KCNMA1: variants seen among roughly 807,000 people sequenced by gnomAD.
The protein encoded by KCNMA1 is potassium calcium-activated channel subfamily M alpha 1, also known as Calcium-activated potassium channel subunit alpha-1.
KCNMA1 carries 29 observed loss-of-function variants against 140.0 expected under a neutral mutation model. The ratio of observed to expected loss-of-function variants is 0.21; its 90% CI spans 0.15 to 0.28. The LOEUF (loss-of-function observed/expected upper bound fraction) is 0.28. Ranked by LOEUF, KCNMA1 falls within the 10% of genes least tolerant of loss-of-function variation. KCNMA1 has a pLI of 1.00. For synonymous variants in KCNMA1, 612 were observed against 611.9 expected (o/e 1.00, Z 0.00); for missense variants, 880 against 1,602.2 (o/e 0.55, Z 7.70).
At chr10:77,009,284 T>C (rs2090096225) in intron 18 of KCNMA1, among the ~76,000 whole-genome samples, 1 of 152,054 alleles carries the variant, frequency 6.6e-6, no homozygotes, top group African/African-American at 2.4e-5. Flanking sequence ...GAGAAGAAAA[T>C]TATTTCAAAC....
chr10:77,573,153 A>G (rs2072347440), intron 1 of KCNMA1, among the ~76,000 whole-genome samples: 2 of 152,214 alleles, frequency 1.3e-5, no homozygotes, highest in Non-Finnish European at 2.9e-5. Flanking sequence ...TAAATCCATC[A>G]GCTTAAAAGT....
intron 2 of KCNMA1, among the ~76,000 whole-genome samples, chr10:77,287,983 G>A (rs2071639669): frequency 1.3e-5 from 2 of 152,304 alleles, no homozygotes; most frequent in Admixed American, 1.3e-4. Context: ...CTGGCAGAGG[G>A]GATCAAGTGG....
rs532293973 is a variant in KCNMA1, at chr10:77,286,118, AT to A, written c.541-34863del. Among the ~76,000 whole-genome samples the A allele has an allele frequency of 2.8e-3, 424 of 152,134 alleles. 2 individuals carry two copies. The highest frequency in any genetic ancestry group is 9.6e-3 in the African/African-American group (399 of 41,476). On this transcript the variant is annotated intron_variant, in intron 2 of 27. Coordinates refer to ENST00000286628, the MANE Select transcript of KCNMA1 (RefSeq NM_001161352.2). The stretch of plus-strand genomic sequence containing the variant: ...CTCTACCTACACAATTAATTGTGTA[AT>A]TTTTTTTCTTTAAATCTCATTCTTT...
At chr10:77,168,435 C>T (rs1272226778) in intron 5 of KCNMA1, among the ~76,000 whole-genome samples, 2 of 152,150 alleles carry the variant, frequency 1.3e-5, no homozygotes, top group Non-Finnish European at 2.9e-5. Flanking sequence ...TGTATAGCCT[C>T]CTACACACCT....
At chr10:77,176,520 G>C (rs1212304823) in intron 5 of KCNMA1, among the ~76,000 whole-genome samples, 1 of 152,010 alleles carries the variant, frequency 6.6e-6, no homozygotes, top group Non-Finnish European at 1.5e-5. Context: ...CTTCAATAAG[G>C]CTCTCCCCAA....
At chr10:77,054,867 C>T (rs1007897312) in intron 14 of KCNMA1, among the ~76,000 whole-genome samples, 1 of 152,116 alleles carries the variant, frequency 6.6e-6, no homozygotes. Context: ...GTTGAAACGG[C>T]CACCTCACAT....
At chr10:77,420,454 C>T (rs1322154606) in intron 1 of KCNMA1, among the ~76,000 whole-genome samples, 1 of 152,354 alleles carries the variant, frequency 6.6e-6, no homozygotes, top group South Asian at 2.1e-4. Flanking sequence ...GTAGAGCTAA[C>T]GTCTCCAGGG....
intron 3 of KCNMA1, 82 bp downstream of exon 3, chr10:77,251,113 T>C (rs2154251632): frequency 9.2e-7 from 1 of 1,084,576 alleles, no homozygotes; most frequent in Admixed American, 1.7e-5. Flanking sequence ...CAAAGGTTGG[T>C]GTCAAGGTAA....
intron 2 of KCNMA1, among the ~76,000 whole-genome samples, chr10:77,381,043 G>A (rs145497282): frequency 3.2e-3 from 483 of 152,180 alleles, no homozygotes; most frequent in African/African-American, 0.011. Context: ...TCTCCCCAAG[G>A]TTCTCTGAAT....
intron 1 of KCNMA1, among the ~76,000 whole-genome samples, chr10:77,439,087 A>AGAGAAGAGAAGAGAAGAGAAGAG (rs2097327887): frequency 2.4e-5 from 3 of 124,848 alleles, no homozygotes; most frequent in African/African-American, 9.1e-5. Context: ...AAAGAAAAGA[A>AGAGAAGAGAAGAGAAGAGAAGAG]AAGAGAAGAG....
At chr10:77,090,279 C>T (rs372009361) in intron 10 of KCNMA1, 121 bp downstream of exon 10, 1 of 775,598 alleles carries the variant, frequency 1.3e-6, no homozygotes, top group Non-Finnish European at 2.3e-6. Flanking sequence ...TCATGGCTTA[C>T]CCAACTCTGG....
intron 1 of KCNMA1, among the ~76,000 whole-genome samples, chr10:77,565,357 T>C (rs1567580234): frequency 1.2e-5 from 1 of 82,190 alleles, no homozygotes; most frequent in Non-Finnish European, 2.9e-5. Context: ...CTTTTACTTC[T>C]GAGCACATTT....
chr10:77,457,204 T>C (rs1313412423), intron 1 of KCNMA1, among the ~76,000 whole-genome samples: 2 of 152,086 alleles, frequency 1.3e-5, no homozygotes, highest in East Asian at 3.9e-4. Context: ...ACCCAGTCTT[T>C]ACCCCTCGTC....
At chr10:77,285,300 T>A (rs1407590587) in intron 2 of KCNMA1, among the ~76,000 whole-genome samples, 1 of 149,362 alleles carries the variant, frequency 6.7e-6, no homozygotes, top group Non-Finnish European at 1.5e-5. Flanking sequence ...TCCTCTAAAG[T>A]TTTTTTTTTA....
At chr10:77,330,614 G>C (rs376889955) in intron 2 of KCNMA1, among the ~76,000 whole-genome samples, 10 of 152,072 alleles carry the variant, frequency 6.6e-5, no homozygotes, top group African/African-American at 2.4e-4. Context: ...CAAAGCAGGC[G>C]GTTAGTGATC....
intron 1 of KCNMA1, among the ~76,000 whole-genome samples, chr10:77,609,416 G>C (rs573246012): frequency 6.6e-6 from 1 of 152,338 alleles, no homozygotes; most frequent in South Asian, 2.1e-4. Context: ...GGAGCAGAAA[G>C]CAGAACAGTG....
At chr10:77,622,553 T>A (rs1408848111) in intron 1 of KCNMA1, among the ~76,000 whole-genome samples, 2 of 152,224 alleles carry the variant, frequency 1.3e-5, no homozygotes. Context: ...GAGGATTATA[T>A]AATACATATA....
chr10:77,054,258 C>G (rs964836857), intron 14 of KCNMA1, among the ~76,000 whole-genome samples: 2 of 152,202 alleles, frequency 1.3e-5, no homozygotes, highest in Non-Finnish European at 2.9e-5. Flanking sequence ...TACTCAACCA[C>G]AGATAGAAAT....
chr10:77,275,311 C>G (rs528419031), intron 2 of KCNMA1, among the ~76,000 whole-genome samples: 11 of 152,260 alleles, frequency 7.2e-5, no homozygotes, highest in African/African-American at 2.6e-4. Flanking sequence ...GGCTCTTACT[C>G]CAGTATCTGT....
Sources: gnomAD v4.1 joint callset for allele counts (sites outside exome capture counted in the v4.1 genomes callset) on GRCh38, gnomAD v4.1.1 for gene constraint, MANE v1.5 for transcripts, NCBI Gene and HGNC (gene_info 2026-07-23, HGNC 2026-07-21) for gene names.